Variants in KIF21B observed in about 807,000 individuals in gnomAD.
The protein encoded by KIF21B is kinesin family member 21B.
Under a neutral mutation model 192.9 loss-of-function variants are expected in KIF21B, and 85 were observed. That is an observed-to-expected ratio of 0.44 (90% confidence interval 0.37 to 0.53). KIF21B has a LOEUF of 0.53. KIF21B is among the 20% of genes least tolerant of loss of function. KIF21B has a pLI of 0.00. For synonymous variants in KIF21B, 832 were observed against 884.6 expected (o/e 0.94, Z 1.05); for missense variants, 1,716 against 2,194.8 (o/e 0.78, Z 4.36).
Position 201,000,462 on chromosome 1 carries a change from G to A in KIF21B, c.1613C>T (p.Ser538Leu), listed in dbSNP as rs1165706574. The change falls in exon 11 of 35, where the codon TCG (serine) becomes TTG (leucine). Residue 538 changes from serine (S) to leucine (L), a missense_variant. By Grantham distance (145) the Ser-to-Leu change is moderately radical. Transcript: ENST00000461742. This position sits in a 1 kb window ranked among gnomAD's most constrained non-coding sequence, Gnocchi z 6.0. ...CTGCTTGGCCCTGCGGATCACCTCC[G>A]AGGCATCCTCCATGGAGCTGGCAGG... ...GSPASSMEDA[S>L]EVIRRAKQDL... 4.4e-6 allele frequency: 7 copies of A among 1,597,250 alleles called. No homozygotes were observed. Among genetic ancestry groups the A allele is most frequent in the South Asian group, 2.2e-5 (2 of 89,548 alleles).
At chr1:201,004,055 G>C (rs1056004321) in intron 7 of KIF21B, among the ~76,000 whole-genome samples, 10 of 152,188 alleles carry the variant, frequency 6.6e-5, no homozygotes, top group Non-Finnish European at 1.0e-4. Context: ...TGATGAGGAT[G>C]AGTTACAGCC....
In KIF21B at chr1:201,023,376, C is replaced by A. The variant is rs750359794; in HGVS notation, c.8G>T (p.Gly3Val). The A allele has an allele frequency of 2.6e-6, 4 of 1,526,716 alleles. No individual in the cohort carries two copies. The South Asian group carries it at 3.7e-5, about 14-fold the overall frequency. The allele number at this position is 1,526,716 out of a possible 1,614,324, so 94.6% of individuals were successfully genotyped here. ...CACCTTGACGCAGCAGTCCCCCTGG[C>A]CGGCCATGGCCCTCTGGAGCTAGGG... is the stretch of plus-strand genomic sequence containing the variant. MA[G>V]QGDCCVKVAV... The change falls in exon 1 of 35, where the codon GGC (glycine) becomes GTC (valine). Residue 3 changes from glycine to valine, a missense_variant. Gly to Val is a moderately radical substitution (Grantham distance 109). Around this residue, in one of 3 missense-constraint regions of KIF21B, gnomAD observed 1,087 missense variants for 1,316.6 expected, o/e 0.83. Coordinates refer to ENST00000461742, the MANE Select transcript of KIF21B (RefSeq NM_001252102.2). This position sits in a 1 kb window ranked among gnomAD's most constrained non-coding sequence, Gnocchi z 5.9.
rs140328952 is a variant in KIF21B, at chr1:200,982,040, G to A, written c.3843-944C>T. On this transcript the variant is annotated intron_variant, in intron 28 of 34. Transcript: ENST00000461742. This position sits in a 1 kb window ranked among gnomAD's most constrained non-coding sequence, Gnocchi z 4.7. Reference sequence around the variant, plus strand: ...GCCAAGGGTCTACTGAAATGATCAAGGTTTTGCCTGTGGCGCTTCTGGCAC... The same window carrying A: ...GCCAAGGGTCTACTGAAATGATCAAAGTTTTGCCTGTGGCGCTTCTGGCAC... Among the ~76,000 whole-genome samples, 129 of 152,294 alleles carry A rather than the reference G, an allele frequency of 8.5e-4. No homozygotes were observed. Among genetic ancestry groups the A allele is most frequent in the African/African-American group, 2.9e-3 (122 of 41,546 alleles).
In KIF21B at chr1:200,979,689, C is replaced by T. The variant is rs936708082; in HGVS notation, c.4006G>A (p.Val1336Ile). The change falls in exon 30 of 35, where the codon GTT becomes ATT. Residue 1336 changes from valine to isoleucine, a missense_variant. Transcript: ENST00000461742. ...KDRSCKMWNL[V>I]TGQEIAALKG... ...AGAGCTGCGATCTCCTGTCCCGTAA[C>T]CAAGTTCCACATCTTGCAGCTTCGG... The T allele has an allele frequency of 1.3e-6, 2 of 1,546,704 alleles. No homozygotes were observed. Among genetic ancestry groups the T allele is most frequent in the East Asian group, 4.9e-5 (2 of 40,478 alleles).
At chr1:200,991,588 G>A in intron 17 of KIF21B, 69 bp downstream of exon 17, 4 of 1,468,034 alleles carry the variant, frequency 2.7e-6, no homozygotes, top group Non-Finnish European at 9.5e-7. Context: ...GAGAAGGCAA[G>A]CAATGCACAC....
chr1:201,013,325 C>T (rs1017945374), intron 1 of KIF21B, among the ~76,000 whole-genome samples: 1 of 152,168 alleles, frequency 6.6e-6, no homozygotes, highest in African/African-American at 2.4e-5. Context: ...AACTCCATTG[C>T]CCATCCCTCC....
rs75716130 is a variant in KIF21B, at chr1:201,011,883, C to T, written c.42-2395G>A. ...GGCAATGCTGATGATTGGAGAAAAT[C>T]GAATCATCATCCCTGGAGACAGTGG... On this transcript the variant is annotated intron_variant, in intron 1 of 34. Transcript: ENST00000461742. Among the ~76,000 whole-genome samples, 25 of 152,346 alleles carry T rather than the reference C, an allele frequency of 1.6e-4. No individual in the cohort carries two copies. The East Asian group carries it at 4.0e-3, about 25-fold the overall frequency.
chr1:200,984,743 G>A (rs891261682), intron 27 of KIF21B, 116 bp downstream of exon 27: 4 of 653,352 alleles, frequency 6.1e-6, no homozygotes, highest in Admixed American at 3.8e-5. Flanking sequence ...TGGAGGGGCT[G>A]GAACTTCAGG....
In KIF21B at chr1:200,997,462, C is replaced by T. The variant is rs571150436; in HGVS notation, c.2077+922G>A. Reference sequence around the variant, plus strand: ...GACCATCCTTTAAAAAACTCCAATTCGGCCAGGCACGGTGGCTCATGCCTG... The same window carrying T: ...GACCATCCTTTAAAAAACTCCAATTTGGCCAGGCACGGTGGCTCATGCCTG... On this transcript the variant is annotated intron_variant, in intron 14 of 34. Transcript: ENST00000461742. 3.3e-5 allele frequency among the ~76,000 whole-genome samples: 5 copies of T among 152,312 alleles called. No homozygotes were observed. The Middle Eastern group carries it at 0.01, about 311-fold the overall frequency.
chr1:200,975,897 C>T lies in KIF21B; in HGVS notation c.4444-228G>A, dbSNP rs1425602226. Among the ~76,000 whole-genome samples, 1 of 152,094 alleles carries T rather than the reference C, an allele frequency of 6.6e-6. No homozygotes were observed. The highest frequency in any genetic ancestry group is 1.5e-5 in the Non-Finnish European group (1 of 68,008). On this transcript the variant is annotated intron_variant, in intron 32 of 34. Transcript: ENST00000461742. The surrounding 1 kb of genome is among the most constrained non-coding windows in gnomAD (Gnocchi z 4.3). ...CAGATCTTGACCCTTCCTGTGGATA[C>T]TGGGGCAGGGGTGGGAGGAGACCAA...
chr1:200,996,802 A>G (rs963601900), intron 14 of KIF21B, among the ~76,000 whole-genome samples: 3 of 152,152 alleles, frequency 2.0e-5, no homozygotes, highest in Non-Finnish European at 4.4e-5. Context: ...AGAAGGAATA[A>G]GCTGATTCTC....
Position 200,991,622 on chromosome 1 carries a change from G to C in KIF21B, c.2454+35C>G, listed in dbSNP as rs149753404. 13 of 1,602,428 alleles carry C rather than the reference G, an allele frequency of 8.1e-6. No individual in the cohort carries two copies. In the South Asian group the frequency reaches 1.4e-4, roughly 18 times the overall value. On this transcript the variant is annotated intron_variant, in intron 17 of 34. Coordinates refer to ENST00000461742, the MANE Select transcript of KIF21B (RefSeq NM_001252102.2). ...ACATGCACGCACACATGTGCAGCAG[G>C]GCCAGGGCCTCGCCAGCCCCTCGAG...
chr1:200,983,143 C>G, intron 27 of KIF21B, 49 bp from the exon 28 acceptor site: 1 of 1,486,348 alleles, frequency 6.7e-7, no homozygotes, highest in African/African-American at 1.4e-5. Context: ...AGGAGACACA[C>G]ACAGAGGGAC....
intron 1 of KIF21B, among the ~76,000 whole-genome samples, chr1:201,011,674 G>A (rs1416722154): frequency 6.6e-6 from 1 of 152,216 alleles, no homozygotes; most frequent in Admixed American, 6.5e-5. Context: ...CCAAGGCTAA[G>A]CACTTCCTCT....
chr1:201,006,957 C>G (rs976485669), intron 3 of KIF21B, among the ~76,000 whole-genome samples: 12 of 146,314 alleles, frequency 8.2e-5, no homozygotes, highest in African/African-American at 3.1e-4. Context: ...CACAGACACA[C>G]ACACACAGAC....
Position 200,999,277 on chromosome 1 carries a change from G to A in KIF21B, c.1885+72C>T, listed in dbSNP as rs1018602253. 6 of 1,583,730 alleles carry A rather than the reference G, an allele frequency of 3.8e-6. No homozygotes were observed. The African/African-American group carries it at 6.7e-5, about 18-fold the overall frequency. ...CTGGACACCATTATCTTTGAGCAGG[G>A]CCCGACCCCACACTTGGGCACTGGC... On this transcript the variant is annotated intron_variant, in intron 13 of 34. Coordinates refer to ENST00000461742, the MANE Select transcript of KIF21B (RefSeq NM_001252102.2). The surrounding 1 kb of genome is among the most constrained non-coding windows in gnomAD (Gnocchi z 4.7).
intron 29 of KIF21B, 150 bp downstream of exon 29, chr1:200,980,810 G>T: frequency 1.0e-6 from 1 of 977,706 alleles, no homozygotes; most frequent in Non-Finnish European, 1.4e-6. Context: ...TTGAGCCAAG[G>T]TAAGAAACAA....
chr1:201,004,577 G>T, intron 6 of KIF21B, 122 bp from the exon 7 acceptor site: 1 of 1,140,242 alleles, frequency 8.8e-7, no homozygotes, highest in Non-Finnish European at 1.3e-6. Context: ...TTGCTCCTTG[G>T]GTGGGTTTAT....
In KIF21B at chr1:200,975,413, C is replaced by G. The variant is rs1337002400; in HGVS notation, c.4614+86G>C. ...ACCATCTGGCCTGGGGCCCGCGAGT[C>G]CAGGTCCCAGGGTCTCCAAGGCCCT... is the stretch of plus-strand genomic sequence containing the variant. On this transcript the variant is annotated intron_variant, in intron 33 of 34. Coordinates refer to ENST00000461742, the MANE Select transcript of KIF21B (RefSeq NM_001252102.2). The surrounding 1 kb of genome is among the most constrained non-coding windows in gnomAD (Gnocchi z 4.3). 7.8e-7 allele frequency: 1 copy of G among 1,289,894 alleles called. No individual in the cohort carries two copies. The highest frequency in any genetic ancestry group is 2.4e-5 in the East Asian group (1 of 42,408). The allele number at this position is 1,289,894 out of a possible 1,614,324, so 79.9% of individuals were successfully genotyped here.
Sources: gnomAD v4.1 joint callset for allele counts (sites outside exome capture counted in the v4.1 genomes callset) on GRCh38, gnomAD v4.1.1 for gene constraint, gnomAD v4.1.1 regional missense constraint, Gnocchi (gnomAD v3.1) non-coding constraint, MANE v1.5 for transcripts, NCBI Gene and HGNC (gene_info 2026-07-23, HGNC 2026-07-21) for gene names.